Variants in SMAD5 observed in about 807,000 individuals in gnomAD.
The protein encoded by SMAD5 is SMAD family member 5.
In SMAD5, 9 loss-of-function variants were observed where a neutral mutation model predicts 43.1. The ratio of observed to expected loss-of-function variants is 0.21; its 90% CI spans 0.13 to 0.36. The LOEUF is 0.36. Among genes scored for constraint, SMAD5 ranks in the 10% least tolerant of loss-of-function variants. The probability of loss-of-function intolerance (pLI) is 1.00; values close to 1 mark genes in which losing one functional copy is unlikely to be tolerated. For missense variants in SMAD5, 348 were observed against 574.0 expected (o/e 0.61, Z 4.02); for synonymous variants, 190 against 192.4 (o/e 0.99, Z 0.10).
chr5:136,137,190 A>G (rs1363506311), intron 1 of SMAD5, among the ~76,000 whole-genome samples: 2 of 151,358 alleles, frequency 1.3e-5, no homozygotes, highest in African/African-American at 2.4e-5. Flanking sequence ...TGTGTGCAAT[A>G]CTATAATTGT....
Position 136,143,413 on chromosome 5 carries a change from C to T in SMAD5, c.-244-4419C>T, listed in dbSNP as rs540764151. ...TTTTTGTCTTCTTGAAATACCTCTT[C>T]GAACATGTCTTTCGGCTTAGATAGA... On this transcript the variant is annotated intron_variant, in intron 1 of 7. Coordinates refer to ENST00000545279, the MANE Select transcript of SMAD5 (RefSeq NM_005903.7). Among the ~76,000 whole-genome samples, 14 of 151,958 alleles carry T rather than the reference C, an allele frequency of 9.2e-5. No individual in the cohort carries two copies. The South Asian group carries it at 2.3e-3, about 25-fold the overall frequency.
Position 136,161,131 on chromosome 5 carries a change from C to CAAAA in SMAD5, c.655+34_655+37dup, listed in dbSNP as rs11437885. The CAAAA allele has an allele frequency of 4.2e-6, 6 of 1,419,562 alleles. No homozygotes were observed. In the East Asian group the frequency reaches 1.2e-4, roughly 28 times the overall value. The allele number at this position is 1,419,562 out of a possible 1,614,324, so 87.9% of individuals were successfully genotyped here. ...AGGTAAGACTTTATTTTATTGATAC[C>CAAAA]AAAAAAAAAAAAATTCCTAAGAATC... On this transcript the variant is annotated intron_variant, in intron 4 of 7. Coordinates refer to ENST00000545279, the MANE Select transcript of SMAD5 (RefSeq NM_005903.7).
intron 1 of SMAD5, among the ~76,000 whole-genome samples, chr5:136,145,033 A>G (rs1012605262): frequency 1.3e-5 from 2 of 151,858 alleles, no homozygotes; most frequent in African/African-American, 4.8e-5. Context: ...AATGACAGAT[A>G]CTGGGGGCAA....
At chr5:136,154,532 T>A (rs1031958764) in intron 3 of SMAD5, among the ~76,000 whole-genome samples, 2 of 152,162 alleles carry the variant, frequency 1.3e-5, no homozygotes, top group African/African-American at 4.8e-5. Flanking sequence ...TCCAGCATTA[T>A]ATTTTCCCTT....
intron 2 of SMAD5, among the ~76,000 whole-genome samples, chr5:136,149,576 TAA>T (rs1753381743): frequency 6.6e-6 from 1 of 151,730 alleles, no homozygotes; most frequent in Non-Finnish European, 1.5e-5. Flanking sequence ...ATGTGATAAC[TAA>T]TGATATTGAG....
intron 5 of SMAD5, among the ~76,000 whole-genome samples, chr5:136,165,662 A>ATTTTTTTTTTTTTT (rs58156387): frequency 1.5e-5 from 1 of 65,450 alleles, no homozygotes; most frequent in Non-Finnish European, 3.0e-5. Context: ...GAATCATACA[A>ATTTTTTTTTTTTTT]TTTTTTTTTT....
chr5:136,140,667 C>G (rs895863100), intron 1 of SMAD5, among the ~76,000 whole-genome samples: 1 of 151,992 alleles, frequency 6.6e-6, no homozygotes, highest in African/African-American at 2.4e-5. Flanking sequence ...CCCAGCCACC[C>G]TGTTTAAAAT....
At chr5:136,154,675 T>C (rs1254582657) in intron 3 of SMAD5, among the ~76,000 whole-genome samples, 1 of 152,202 alleles carries the variant, frequency 6.6e-6, no homozygotes, top group East Asian at 1.9e-4. Context: ...TTTCCACTGG[T>C]CCTTTTAGAG....
chr5:136,139,365 T>A (rs535709174), intron 1 of SMAD5, among the ~76,000 whole-genome samples: 1 of 152,312 alleles, frequency 6.6e-6, no homozygotes, highest in South Asian at 2.1e-4. Context: ...ATATGGTTAA[T>A]GTGTATAAAA....
chr5:136,163,267 C>T lies in SMAD5; in HGVS notation c.656-5C>T, dbSNP rs745563955. On this transcript the variant is annotated splice_polypyrimidine_tract_variant and splice_region_variant and intron_variant, in intron 4 of 7. Transcript: ENST00000545279. ...GATTTTAATTATTATTTTTTTTCCT[C>T]TTAGCTGATACGCCTCCTCCTGCCT... The T allele has an allele frequency of 1.8e-5, 28 of 1,597,842 alleles. No homozygotes were observed. Among genetic ancestry groups the T allele is most frequent in the African/African-American group, 1.5e-4 (11 of 73,792 alleles).
At chr5:136,134,884 C>T (rs1305359803) in intron 1 of SMAD5, 1 of 152,138 alleles carries the variant, frequency 6.6e-6, no homozygotes, top group Admixed American at 6.5e-5. Context: ...CCATTCCTTT[C>T]AGATCATAGC....
chr5:136,172,624 A>C lies in SMAD5; in HGVS notation c.966A>C (p.Thr322=), dbSNP rs376564086. The part of the protein sequence containing the change: ...GLLSNVNRNS[T]IENTRRHIGK... ...TGTCAAATGTTAATCGTAATTCGAC[A>C]ATTGAAAACACTAGGCGACATATTG... Residue 322 remains threonine (T), a synonymous_variant, in exon 6 of 8, where the codon ACA becomes ACC. Coordinates refer to ENST00000545279, the MANE Select transcript of SMAD5 (RefSeq NM_005903.7). The C allele has an allele frequency of 8.1e-6, 13 of 1,610,252 alleles. No individual in the cohort carries two copies. The highest frequency in any genetic ancestry group is 1.1e-5 in the Non-Finnish European group (13 of 1,176,668).
intron 5 of SMAD5, among the ~76,000 whole-genome samples, chr5:136,172,026 C>T (rs2149780194): frequency 6.6e-6 from 1 of 152,218 alleles, no homozygotes; most frequent in South Asian, 2.1e-4. Context: ...TGAGGAGGGG[C>T]CATATGAGCA....
chr5:136,160,575 T>C (rs1424636719), intron 3 of SMAD5, among the ~76,000 whole-genome samples: 1 of 152,156 alleles, frequency 6.6e-6, no homozygotes, highest in Non-Finnish European at 1.5e-5. Flanking sequence ...CTCTGTTTTA[T>C]GGTTGTTTTT....
At chr5:136,160,226 T>C (rs1187791185) in intron 3 of SMAD5, among the ~76,000 whole-genome samples, 1 of 152,214 alleles carries the variant, frequency 6.6e-6, no homozygotes, top group Non-Finnish European at 1.5e-5. Context: ...CCATATTCAA[T>C]ATGGAAAACC....
chr5:136,172,133 C>G lies in SMAD5; in HGVS notation c.776-301C>G, dbSNP rs78559763. On this transcript the variant is annotated intron_variant, in intron 5 of 7. Transcript: ENST00000545279. ...GATCTTGGACTTCCCAGCCCCCAGA[C>G]CTGTGAGAAATAAATTTCTGTTGTT... Among the ~76,000 whole-genome samples the G allele has an allele frequency of 3.4e-3, 520 of 152,242 alleles. 6 individuals carry two copies. Among genetic ancestry groups the G allele is most frequent in the African/African-American group, 0.012 (483 of 41,532 alleles).
intron 2 of SMAD5, among the ~76,000 whole-genome samples, chr5:136,149,126 C>T (rs1753362424): frequency 6.6e-6 from 1 of 151,548 alleles, no homozygotes; most frequent in Non-Finnish European, 1.5e-5. Context: ...TAATCTTTCC[C>T]TCAGAATATA....
chr5:136,140,023 CTT>C (rs796179216), intron 1 of SMAD5, among the ~76,000 whole-genome samples: 30 of 134,892 alleles, frequency 2.2e-4, no homozygotes, highest in Admixed American at 3.7e-4. Flanking sequence ...CAGGATAACT[CTT>C]TTTTTTTTTT....
intron 5 of SMAD5, 62 bp from the exon 6 acceptor site, chr5:136,172,372 C>T: frequency 1.0e-6 from 1 of 979,934 alleles, no homozygotes; most frequent in Non-Finnish European, 1.5e-6. Flanking sequence ...AAAAGATAAA[C>T]ACATGGACAA....
Sources: gnomAD v4.1 joint callset for allele counts (sites outside exome capture counted in the v4.1 genomes callset) on GRCh38, gnomAD v4.1.1 for gene constraint, MANE v1.5 for transcripts, NCBI Gene and HGNC (gene_info 2026-07-23, HGNC 2026-07-21) for gene names.